PHACTR1: variants seen among roughly 807,000 people sequenced by gnomAD.
PHACTR1 encodes the protein phosphatase and actin regulator 1.
A neutral mutation model predicts 69.2 loss-of-function variants in PHACTR1; 16 were observed. The observed-to-expected ratio is 0.23, with a 90% confidence interval of 0.16 to 0.35. The LOEUF is 0.35. Ranked by LOEUF, PHACTR1 falls within the 10% of genes least tolerant of loss-of-function variation. The pLI, the probability that PHACTR1 is intolerant of heterozygous loss-of-function variation, is 1.00. For missense variants in PHACTR1, 510 were observed against 734.7 expected (o/e 0.69, Z 3.54); for synonymous variants, 312 against 284.5 (o/e 1.10, Z -0.97).
intron 6 of PHACTR1, among the ~76,000 whole-genome samples, chr6:13,176,738 A>G (rs1400324881): frequency 6.6e-6 from 1 of 152,042 alleles, no homozygotes; most frequent in African/African-American, 2.4e-5. Flanking sequence ...TTTTATTTTT[A>G]GTTTTTGGAT....
chr6:13,025,947 C>T (rs1801641211), intron 4 of PHACTR1, among the ~76,000 whole-genome samples: 2 of 152,152 alleles, frequency 1.3e-5, no homozygotes. Context: ...GTGCTCTCCT[C>T]TTAACATTGT....
At chr6:12,856,675 T>C (rs1453084418) in intron 4 of PHACTR1, among the ~76,000 whole-genome samples, 1 of 152,222 alleles carries the variant, frequency 6.6e-6, no homozygotes, top group African/African-American at 2.4e-5. Context: ...GCTGGGTTTT[T>C]ACTATAACCA....
intron 6 of PHACTR1, among the ~76,000 whole-genome samples, chr6:13,176,323 G>C (rs1761316053): frequency 6.6e-6 from 1 of 152,108 alleles, no homozygotes; most frequent in Non-Finnish European, 1.5e-5. Context: ...TGTGCATACT[G>C]TCCTCCATTC....
chr6:12,851,856 A>G (rs970149531), intron 4 of PHACTR1, among the ~76,000 whole-genome samples: 3 of 152,020 alleles, frequency 2.0e-5, no homozygotes, highest in Non-Finnish European at 4.4e-5. Context: ...ATTATTTAAG[A>G]CAGAGTCTTA....
chr6:12,781,870 A>G (rs1349464833), intron 4 of PHACTR1, among the ~76,000 whole-genome samples: 1 of 152,196 alleles, frequency 6.6e-6, no homozygotes, highest in African/African-American at 2.4e-5. Flanking sequence ...GAAAGAATGC[A>G]TTTAGCCACA....
At position 12,730,986 on chromosome 6, in the gene PHACTR1, T is replaced by A. The variant is rs114826437; in HGVS notation, c.103+12139T>A. 6.5e-3 allele frequency among the ~76,000 whole-genome samples: 896 copies of A among 138,000 alleles called. 9 individuals are homozygous for A. Among genetic ancestry groups the A allele is most frequent in the African/African-American group, 0.023 (844 of 37,214 alleles). The allele number at this position is 138,000 out of a possible 152,430, so 90.5% of individuals were successfully genotyped here. A position where few individuals can be genotyped will look rare whatever the true frequency, so the allele number is the denominator to read the frequency against. ...GGAATATTATGCAGAATATTACCTT[T>A]TTTATTTATTTATTTATTTATTTAT... On this transcript the variant is annotated intron_variant, in intron 3 of 14. Transcript: ENST00000332995.
chr6:12,803,645 T>C (rs1452977605), intron 4 of PHACTR1, among the ~76,000 whole-genome samples: 1 of 152,222 alleles, frequency 6.6e-6, no homozygotes, highest in East Asian at 1.9e-4. Context: ...ATTTCTTTTT[T>C]CTAAATTCCT....
intron 5 of PHACTR1, among the ~76,000 whole-genome samples, chr6:13,103,184 C>T (rs537835042): frequency 6.6e-6 from 1 of 152,268 alleles, no homozygotes; most frequent in East Asian, 1.9e-4. Flanking sequence ...GAAAAAATGC[C>T]ATGCTGTTAA....
At chr6:13,277,661 C>A (rs1276852684) in intron 11 of PHACTR1, among the ~76,000 whole-genome samples, 1 of 152,210 alleles carries the variant, frequency 6.6e-6, no homozygotes, top group Non-Finnish European at 1.5e-5. Context: ...TCCCACCCAC[C>A]TCCTTGGGCT....
chr6:12,900,676 C>A (rs960398901), intron 4 of PHACTR1, among the ~76,000 whole-genome samples: 3 of 152,136 alleles, frequency 2.0e-5, no homozygotes, highest in African/African-American at 7.2e-5. Context: ...CCAGCCTGGG[C>A]AACACAGTGA....
intron 4 of PHACTR1, among the ~76,000 whole-genome samples, chr6:13,011,170 A>C (rs372521627): frequency 6.6e-6 from 1 of 152,238 alleles, no homozygotes; most frequent in Non-Finnish European, 1.5e-5. Context: ...GTTTCATACA[A>C]CTTTCAATGG....
intron 4 of PHACTR1, among the ~76,000 whole-genome samples, chr6:12,910,484 C>A (rs1028021110): frequency 2.0e-5 from 3 of 152,134 alleles, no homozygotes; most frequent in Admixed American, 6.5e-5. Context: ...TGATCAAATT[C>A]TTTTTTTCTC....
chr6:12,786,572 A>C (rs1428742478), intron 4 of PHACTR1, among the ~76,000 whole-genome samples: 1 of 152,186 alleles, frequency 6.6e-6, no homozygotes, highest in Non-Finnish European at 1.5e-5. Context: ...TTGTAATCAG[A>C]ATTAACTGAC....
At chr6:13,205,751 G>C (rs1183341778) in intron 7 of PHACTR1, 64 bp from the exon 8 acceptor site, 1 of 1,445,620 alleles carries the variant, frequency 6.9e-7, no homozygotes, top group African/African-American at 1.4e-5. Flanking sequence ...AGCGCATCTG[G>C]TGTTCTGAGT....
At chr6:13,060,267 G>A (rs1013840027) in intron 5 of PHACTR1, among the ~76,000 whole-genome samples, 4 of 152,232 alleles carry the variant, frequency 2.6e-5, no homozygotes, top group Non-Finnish European at 4.4e-5. Context: ...TGGGGCAGAT[G>A]TCAGATTAGT....
intron 3 of PHACTR1, among the ~76,000 whole-genome samples, chr6:12,734,726 C>T (rs1415037949): frequency 3.3e-5 from 5 of 152,136 alleles, no homozygotes; most frequent in Non-Finnish European, 5.9e-5. Flanking sequence ...GGAATAAAAA[C>T]ATTTCAGCCA....
intron 6 of PHACTR1, among the ~76,000 whole-genome samples, chr6:13,170,526 A>G (rs1239475241): frequency 3.3e-5 from 5 of 152,216 alleles, no homozygotes; most frequent in African/African-American, 1.2e-4. Context: ...CTGGAAAGCC[A>G]GCCAAACTTT....
chr6:12,778,691 C>A (rs1295262660), intron 4 of PHACTR1, among the ~76,000 whole-genome samples: 2 of 152,098 alleles, frequency 1.3e-5, no homozygotes. Context: ...ACCATGGACA[C>A]CAGTTTGAAA....
intron 4 of PHACTR1, among the ~76,000 whole-genome samples, chr6:12,986,517 C>T (rs1432641745): frequency 1.3e-5 from 2 of 152,128 alleles, no homozygotes; most frequent in East Asian, 1.9e-4. Flanking sequence ...AATGCTCTTG[C>T]GTTCATTATT....
Sources: allele counts gnomAD v4.1 joint callset (sites outside exome capture counted in the v4.1 genomes callset), GRCh38; gene constraint gnomAD v4.1.1; transcripts MANE v1.5; gene names NCBI Gene and HGNC (gene_info 2026-07-23, HGNC 2026-07-21).